Variants in KATNAL2 observed in about 807,000 individuals in gnomAD.
The protein encoded by KATNAL2 is katanin catalytic subunit A1 like 2.
KATNAL2 carries 52 observed loss-of-function variants against 76.3 expected under a neutral mutation model. That is an observed-to-expected ratio of 0.68 (90% CI 0.55 to 0.86). KATNAL2 has a LOEUF of 0.86. Among genes scored for constraint, KATNAL2 ranks in the 40% least tolerant of loss-of-function variants. The pLI is 0.00. For synonymous variants in KATNAL2, 243 were observed against 244.2 expected (o/e 1.00, Z 0.05); for missense variants, 660 against 668.9 (o/e 0.99, Z 0.15).
At chr18:47,039,967 T>C (rs1211636445) in intron 3 of KATNAL2, among the ~76,000 whole-genome samples, 1 of 152,200 alleles carries the variant, frequency 6.6e-6, no homozygotes, top group Admixed American at 6.5e-5. Flanking sequence ...TCCAATATAG[T>C]CTTTAGAAAA....
chr18:47,067,197 A>G, intron 11 of KATNAL2, 78 bp downstream of exon 11: 1 of 640,236 alleles, frequency 1.6e-6, no homozygotes, highest in Non-Finnish European at 2.7e-6. Context: ...AACTATCAGG[A>G]AGGGAAGGGC....
At chr18:47,056,548 A>T (rs2061476696) in intron 6 of KATNAL2, among the ~76,000 whole-genome samples, 1 of 152,236 alleles carries the variant, frequency 6.6e-6, no homozygotes, top group African/African-American at 2.4e-5. Context: ...CTTTTCTGCC[A>T]AATTCCACAG....
chr18:47,060,343 G>T (rs1185682555), intron 8 of KATNAL2, among the ~76,000 whole-genome samples: 4 of 152,140 alleles, frequency 2.6e-5, no homozygotes, highest in Admixed American at 2.0e-4. Context: ...GATTAGTGGT[G>T]TCACCTTTCT....
At chr18:46,919,201 A>G (rs1189744006) in intron 1 of KATNAL2, among the ~76,000 whole-genome samples, 2 of 151,614 alleles carry the variant, frequency 1.3e-5, no homozygotes, top group Non-Finnish European at 2.9e-5. Context: ...AAATACAAAA[A>G]TTAGGCCAGG....
At position 47,077,345 on chromosome 18, in the gene KATNAL2, C is replaced by A. The variant is rs761140004; in HGVS notation, c.1101-6C>A. On this transcript the variant is annotated splice_polypyrimidine_tract_variant and splice_region_variant and intron_variant, in intron 14 of 17. Transcript: ENST00000683218. ...CTTAGGAGAATCACGTCTTGTCTCTCTGTAGGGGAGAACATGAAGGAAGCC... is the reference window on the plus strand; with the variant it reads ...CTTAGGAGAATCACGTCTTGTCTCTATGTAGGGGAGAACATGAAGGAAGCC... 6.2e-7 allele frequency: 1 copy of A among 1,608,732 alleles called. No individual in the cohort carries two copies. Among genetic ancestry groups the A allele is most frequent in the Non-Finnish European group, 8.5e-7 (1 of 1,175,170 alleles).
At chr18:47,054,791 A>C (rs2061426543) in intron 6 of KATNAL2, among the ~76,000 whole-genome samples, 4 of 152,254 alleles carry the variant, frequency 2.6e-5, no homozygotes. Flanking sequence ...TTCCTGGCAC[A>C]CAGTGAGCAC....
intron 10 of KATNAL2, among the ~76,000 whole-genome samples, chr18:47,063,638 T>C (rs575977149): frequency 3.6e-4 from 55 of 152,146 alleles, no homozygotes; most frequent in African/African-American, 1.3e-3. Context: ...GGTGAAAGGT[T>C]TTATAGCAGA....
chr18:47,100,266 T>G lies in KATNAL2; in HGVS notation c.1387T>G (p.Tyr463Asp). The change falls in exon 17 of 18, where the codon TAC becomes GAC. Residue 463 changes from tyrosine to aspartate, a missense_variant. Physicochemically the swap from Tyr to Asp is radical, Grantham distance 160 (BLOSUM62 -3). Transcript: ENST00000683218. ...YSVLSQETEG[Y>D]SGSDIKLVCR... ...TTGGCTGTTTCAGGAGACTGAGGGC[T>G]ACTCAGGCTCAGATATTAAGCTCGT... 6.2e-7 allele frequency: 1 copy of G among 1,613,776 alleles called. No individual in the cohort carries two copies. The highest frequency in any genetic ancestry group is 8.5e-7 in the Non-Finnish European group (1 of 1,179,662).
rs1276092795 is a variant in KATNAL2, at chr18:46,950,792, C to G, written c.51+3869C>G. Among the ~76,000 whole-genome samples the G allele has an allele frequency of 2.0e-5, 3 of 152,122 alleles. No individual in the cohort carries two copies. The South Asian group carries it at 6.2e-4, about 32-fold the overall frequency. Reference sequence around the variant, plus strand: ...CTCCACCTCCTGGGTTCAAGCGACTCTCCTGCCTCAGCCTCCTGAGTAGCT... The same window carrying G: ...CTCCACCTCCTGGGTTCAAGCGACTGTCCTGCCTCAGCCTCCTGAGTAGCT... On this transcript the variant is annotated intron_variant, in intron 3 of 17. Transcript: ENST00000683218.
intron 1 of KATNAL2, among the ~76,000 whole-genome samples, chr18:46,927,655 T>C (rs1161684232): frequency 6.6e-6 from 1 of 152,224 alleles, no homozygotes; most frequent in African/African-American, 2.4e-5. Flanking sequence ...GGGGAAGTTC[T>C]CCTGGATAAT....
intron 3 of KATNAL2, among the ~76,000 whole-genome samples, chr18:46,952,510 CTG>C (rs1215455132): frequency 6.6e-6 from 1 of 150,388 alleles, no homozygotes; most frequent in Admixed American, 6.7e-5. Flanking sequence ...AGCGATTCTC[CTG>C]TCTCAGCCTC....
chr18:47,064,426 G>C (rs1336639170), intron 10 of KATNAL2, among the ~76,000 whole-genome samples: 1 of 152,142 alleles, frequency 6.6e-6, no homozygotes, highest in Non-Finnish European at 1.5e-5. Flanking sequence ...GAGAGGCAGG[G>C]TTCCTGAGGA....
chr18:47,036,267 C>T (rs760872501), intron 3 of KATNAL2, among the ~76,000 whole-genome samples: 1 of 152,196 alleles, frequency 6.6e-6, no homozygotes, highest in Non-Finnish European at 1.5e-5. Flanking sequence ...AATGCTACAG[C>T]AAGAACTTTT....
At chr18:46,944,461 C>T (rs1031903221) in intron 1 of KATNAL2, among the ~76,000 whole-genome samples, 8 of 151,980 alleles carry the variant, frequency 5.3e-5, no homozygotes, top group Admixed American at 2.0e-4. Flanking sequence ...TTGGGAGCAG[C>T]GGTTCACACC....
intron 1 of KATNAL2, among the ~76,000 whole-genome samples, chr18:46,943,071 G>A (rs1227201765): frequency 9.2e-5 from 14 of 152,086 alleles, no homozygotes; most frequent in African/African-American, 3.4e-4. Context: ...TCTCAGGCCT[G>A]TGGGAGTAAT....
intron 1 of KATNAL2, among the ~76,000 whole-genome samples, chr18:46,931,424 G>A (rs2146554074): frequency 6.6e-6 from 1 of 152,008 alleles, no homozygotes; most frequent in South Asian, 2.1e-4. Flanking sequence ...GGCAGAGGTG[G>A]GTGGATCACC....
chr18:46,946,993 C>T, intron 3 of KATNAL2, 70 bp downstream of exon 3: 1 of 1,098,060 alleles, frequency 9.1e-7, no homozygotes, highest in Middle Eastern at 1.9e-4. Flanking sequence ...GGGACGATTC[C>T]GAGTCTCCGG....
At chr18:46,932,118 A>G (rs1220016700) in intron 1 of KATNAL2, among the ~76,000 whole-genome samples, 12 of 151,990 alleles carry the variant, frequency 7.9e-5, no homozygotes, top group East Asian at 5.9e-4. Flanking sequence ...TCACTGTGTT[A>G]GCCAGGATGG....
chr18:47,054,882 G>A (rs1358301769), intron 6 of KATNAL2, among the ~76,000 whole-genome samples: 1 of 152,244 alleles, frequency 6.6e-6, no homozygotes, highest in Non-Finnish European at 1.5e-5. Context: ...CCTGTCTGAA[G>A]ATCAACAATG....
Sources: allele counts gnomAD v4.1 joint callset (sites outside exome capture counted in the v4.1 genomes callset), GRCh38; gene constraint gnomAD v4.1.1; transcripts MANE v1.5; gene names NCBI Gene and HGNC (gene_info 2026-07-23, HGNC 2026-07-21).